Variants in NADK observed in about 807,000 individuals in gnomAD.
The protein encoded by NADK is poly(P)/ATP NAD kinase.
NADK carries 22 observed loss-of-function variants against 49.8 expected under a neutral mutation model. The observed-to-expected ratio is 0.44, with a 90% CI of 0.32 to 0.63. The LOEUF (loss-of-function observed/expected upper bound fraction) is 0.63, where lower values mean the gene tolerates loss of function less well. NADK is among the 30% of genes least tolerant of loss of function. NADK has a pLI of 0.06. For synonymous variants in NADK, 268 were observed against 253.7 expected (o/e 1.06, Z -0.54); for missense variants, 438 against 609.4 (o/e 0.72, Z 2.96).
chr1:1,754,826 T>C lies in NADK; in HGVS notation c.689-128A>G, dbSNP rs1645458928. The C allele has an allele frequency of 5.7e-6, 5 of 872,290 alleles. No individual in the cohort carries two copies. Among genetic ancestry groups the C allele is most frequent in the African/African-American group, 3.4e-5 (2 of 58,932 alleles). 54.0% of individuals were successfully genotyped at this position (872,290 alleles called of 1,614,324 possible). Reference sequence around the variant, plus strand: ...CCAAGTTGACACACTTCTGTGCCTTTTTCTTTTTATTTTGAGATGGAGTCT... The same window carrying C: ...CCAAGTTGACACACTTCTGTGCCTTCTTCTTTTTATTTTGAGATGGAGTCT... On this transcript the variant is annotated intron_variant, in intron 7 of 11. Transcript: ENST00000341426. The surrounding 1 kb of genome is among the most constrained non-coding windows in gnomAD (Gnocchi z 4.3).
chr1:1,759,324 T>A (rs554254171), intron 3 of NADK: 3 of 1,439,386 alleles, frequency 2.1e-6, no homozygotes, highest in African/African-American at 1.6e-5. Context: ...GCGTGAAGCT[T>A]GCAGGCACAC....
chr1:1,752,904 C>G lies in NADK; in HGVS notation c.1341G>C (p.Ter447TyrextTer40). ...ATTCGGGCCTGGATAGGGGCTTGACCTAGCCCTCCTCCTCCTCCTCCTCCT... is the reference window on the plus strand; with the variant it reads ...ATTCGGGCCTGGATAGGGGCTTGACGTAGCCCTCCTCCTCCTCCTCCTCCT... ...EEEEEEEEEG[*>Y] is the part of the protein sequence containing the mutation. The change falls in exon 12 of 12, where the codon TAG (stop) becomes TAC (tyrosine). Residue 447 changes from the stop codon to tyrosine, a stop_lost. Transcript: ENST00000341426. 2 of 1,577,860 alleles carry G rather than the reference C, an allele frequency of 1.3e-6. No homozygotes were observed. The highest frequency in any genetic ancestry group is 1.7e-6 in the Non-Finnish European group (2 of 1,160,562).
In NADK at chr1:1,754,429, C is replaced by T. The variant is rs374527739; in HGVS notation, c.844-46G>A. Reference sequence around the variant, plus strand: ...CACACTCAGGGCGGGGGATGCCGCACGGCTCGCAGACACCCTCCGTCTCAC... The same window carrying T: ...CACACTCAGGGCGGGGGATGCCGCATGGCTCGCAGACACCCTCCGTCTCAC... On this transcript the variant is annotated intron_variant, in intron 8 of 11. Coordinates refer to ENST00000341426, the MANE Select transcript of NADK (RefSeq NM_023018.5). This position sits in a 1 kb window ranked among gnomAD's most constrained non-coding sequence, Gnocchi z 4.3. 2.3e-3 allele frequency: 3,697 copies of T among 1,609,336 alleles called. 103 individuals are homozygous for T. In the South Asian group the frequency reaches 0.038, roughly 17 times the overall value.
At position 1,759,955 on chromosome 1, in the gene NADK, G is replaced by A. The variant is rs969646776; in HGVS notation, c.263+1997C>T. ...GCACCAGGCAGCGGGGGAGAGGCCC[G>A]GTGGGGTGCCAGGGACACAGCAAGC... On this transcript the variant is annotated intron_variant, in intron 3 of 11. Coordinates refer to ENST00000341426, the MANE Select transcript of NADK (RefSeq NM_023018.5). 7.2e-6 allele frequency: 11 copies of A among 1,533,886 alleles called. No individual in the cohort carries two copies. In the East Asian group the frequency reaches 7.3e-5, roughly 10 times the overall value.
intron 1 of NADK, among the ~76,000 whole-genome samples, chr1:1,770,175 A>G (rs1159385393): frequency 2.0e-5 from 3 of 151,932 alleles, no homozygotes; most frequent in Admixed American, 1.3e-4. Context: ...CTCTGCCTCA[A>G]TAAAAAGAAA....
intron 3 of NADK, 23 bp downstream of exon 3, chr1:1,761,929 C>A: frequency 5.6e-6 from 9 of 1,612,158 alleles, no homozygotes; most frequent in Non-Finnish European, 5.1e-6. Flanking sequence ...AAGAACCCCC[C>A]GTCCTGGGGC....
rs549209128 is a variant in NADK, at chr1:1,776,609, C to G, written c.-41+1680G>C. ...GCCAACACAGTGAAACCCGTCTCTA[C>G]TAAAAATACAAAAATTAGCTGAGCG... On this transcript the variant is annotated intron_variant, in intron 1 of 11. Transcript: ENST00000341426. Among the ~76,000 whole-genome samples, 11 of 152,042 alleles carry G rather than the reference C, an allele frequency of 7.2e-5. 1 individual carries two copies. In the South Asian group the frequency reaches 2.3e-3, roughly 32 times the overall value.
At chr1:1,753,418 C>T (rs547003953) in intron 11 of NADK, 149 bp downstream of exon 11, 90 of 667,176 alleles carry the variant, frequency 1.3e-4, no homozygotes, top group Non-Finnish European at 1.9e-4. Context: ...ACGGGTGCCC[C>T]GACTGTGATG....
intron 1 of NADK, among the ~76,000 whole-genome samples, chr1:1,773,943 C>T (rs962584014): frequency 5.3e-5 from 8 of 151,908 alleles, no homozygotes; most frequent in South Asian, 2.1e-4. Context: ...CTACCTTGAA[C>T]GGGCTGACCT....
chr1:1,774,557 A>G (rs1057405282), intron 1 of NADK, among the ~76,000 whole-genome samples: 1 of 151,700 alleles, frequency 6.6e-6, no homozygotes, highest in Non-Finnish European at 1.5e-5. Context: ...CACGGCCACC[A>G]TTATGCCTCG....
In NADK at chr1:1,754,450, C is replaced by T; in HGVS notation, c.844-67G>A. 3 of 1,607,730 alleles carry T rather than the reference C, an allele frequency of 1.9e-6. No individual in the cohort carries two copies. Among genetic ancestry groups the T allele is most frequent in the Non-Finnish European group, 2.6e-6 (3 of 1,175,720 alleles). ...CGCACGGCTCGCAGACACCCTCCGT[C>T]TCACCCAGCCGGGCTCTCCGGAAGG... On this transcript the variant is annotated intron_variant, in intron 8 of 11. Transcript: ENST00000341426. The surrounding 1 kb of genome is among the most constrained non-coding windows in gnomAD (Gnocchi z 4.3).
Position 1,754,174 on chromosome 1 carries a change from C to T in NADK, c.978G>A (p.Ala326=), listed in dbSNP as rs376364310. 5.5e-5 allele frequency: 88 copies of T among 1,612,546 alleles called. No individual in the cohort carries two copies. The African/African-American group carries it at 6.0e-4, about 11-fold the overall frequency. Residue 326 remains alanine, a synonymous_variant, in exon 10 of 12, where the codon GCG becomes GCA. Coordinates refer to ENST00000341426, the MANE Select transcript of NADK (RefSeq NM_023018.5). This position sits in a 1 kb window ranked among gnomAD's most constrained non-coding sequence, Gnocchi z 4.3. ...TGGAGGCCCCGGCCGCGGCCGCATA[C>T]GCCGTGCTGCCCGTCGGGGTGGACA... is the stretch of plus-strand genomic sequence containing the variant. ...VIVSTPTGST[A]YAAAAGASMI... is the part of the protein sequence containing the mutation.
chr1:1,759,963 G>T (rs1271022440), intron 3 of NADK: 69 of 1,517,024 alleles, frequency 4.5e-5, no homozygotes, highest in Non-Finnish European at 5.7e-5. Flanking sequence ...CCGGTGGGGT[G>T]CCAGGGACAC....
At chr1:1,756,673 C>T (rs769717096) in intron 4 of NADK, 65 bp from the exon 5 acceptor site, 52 of 1,608,592 alleles carry the variant, frequency 3.2e-5, no homozygotes, top group Admixed American at 1.3e-4. Context: ...GGGAGGTTCC[C>T]GACTCACGGG....
intron 3 of NADK, among the ~76,000 whole-genome samples, chr1:1,757,590 G>A (rs1001331421): frequency 1.3e-5 from 2 of 151,962 alleles, no homozygotes; most frequent in Non-Finnish European, 2.9e-5. Flanking sequence ...CCAAGTGCAC[G>A]CACCACAGCC....
intron 2 of NADK, among the ~76,000 whole-genome samples, 190 bp downstream of exon 2, chr1:1,765,038 G>A (rs1009419513): frequency 3.9e-5 from 6 of 152,252 alleles, no homozygotes; most frequent in African/African-American, 9.6e-5. Context: ...ACCTGGGAAC[G>A]TGCGCCAGGC....
At position 1,778,028 on chromosome 1, in the gene NADK, C is replaced by G. The variant is rs1225344991; in HGVS notation, c.-41+261G>C. Among the ~76,000 whole-genome samples the G allele has an allele frequency of 2.0e-5, 3 of 152,176 alleles. No homozygotes were observed. The highest frequency in any genetic ancestry group is 7.2e-5 in the African/African-American group (3 of 41,446). Reference sequence around the variant, plus strand: ...ACAAGCGCGGTCCGGGCTGGACGGCCCCACCTTCCCCGCCCGGGAGAGCCA... The same window carrying G: ...ACAAGCGCGGTCCGGGCTGGACGGCGCCACCTTCCCCGCCCGGGAGAGCCA... On this transcript the variant is annotated intron_variant, in intron 1 of 11. Transcript: ENST00000341426. The surrounding 1 kb of genome is among the most constrained non-coding windows in gnomAD (Gnocchi z 4.9).
At chr1:1,757,391 A>C in intron 3 of NADK, 81 bp from the exon 4 acceptor site, 1 of 1,301,284 alleles carries the variant, frequency 7.7e-7, no homozygotes, top group Non-Finnish European at 1.1e-6. Context: ...AAATAAAAAA[A>C]AAAATCTTTA....
intron 3 of NADK, chr1:1,759,258 A>ACCAG (rs1324859469): frequency 1.9e-6 from 3 of 1,558,378 alleles, no homozygotes; most frequent in Non-Finnish European, 2.6e-6. Flanking sequence ...AAAGCAGGAC[A>ACCAG]CCAGCCCTTG....
Sources: gnomAD v4.1 joint callset for allele counts (sites outside exome capture counted in the v4.1 genomes callset) on GRCh38, gnomAD v4.1.1 for gene constraint, Gnocchi (gnomAD v3.1) non-coding constraint, MANE v1.5 for transcripts, NCBI Gene and HGNC (gene_info 2026-07-23, HGNC 2026-07-21) for gene names.